Variants in CELSR2 observed in about 807,000 individuals in gnomAD.
The protein encoded by CELSR2 is EGF-like protein 2.
A neutral mutation model predicts 251.6 loss-of-function variants in CELSR2; 81 were observed. That is an observed-to-expected ratio of 0.32 (90% CI 0.27 to 0.39). The LOEUF (loss-of-function observed/expected upper bound fraction) is 0.39, where lower values mean the gene tolerates loss of function less well. CELSR2 is among the 10% of genes least tolerant of loss of function. The pLI is 1.00. For synonymous variants in CELSR2, 1,721 were observed against 1,670.5 expected, an observed-to-expected ratio of 1.03 and a Z score of -0.74; for missense variants, 3,365 against 3,947.7, an observed-to-expected ratio of 0.85 and a Z score of 3.96.
In CELSR2 at chr1:109,272,383, A is replaced by C; in HGVS notation, c.8032A>C (p.Ser2678Arg). 1.2e-6 allele frequency: 2 copies of C among 1,610,646 alleles called. No homozygotes were observed. The highest frequency in any genetic ancestry group is 1.7e-6 in the Non-Finnish European group (2 of 1,177,558). ...STSRSGKSQP[S>R]YIPFLLREES... ...CAGTCGCTCGGGCAAGAGTCAGCCC[A>C]GCTACATCCCCTTCTTGCTGAGGTG... The change falls in exon 29 of 34, where the codon AGC becomes CGC. Residue 2678 changes from serine (S) to arginine (R), a missense_variant. Physicochemically the swap from Ser to Arg is moderately radical, Grantham distance 110. Transcript: ENST00000271332.
chr1:109,274,200 G>T lies in CELSR2; in HGVS notation c.*151G>T. On this transcript the variant is annotated 3_prime_UTR_variant, in exon 34 of 34. Coordinates refer to ENST00000271332, the MANE Select transcript of CELSR2 (RefSeq NM_001408.3). ...CCATCTGAGGAGCCTGGGCCTTGCC[G>T]GGAGGGGTACTCACCCCACCTAAGG... The T allele has an allele frequency of 6.4e-7, 1 of 1,560,728 alleles. No homozygotes were observed. The highest frequency in any genetic ancestry group is 2.3e-5 in the East Asian group (1 of 44,096).
At chr1:109,272,585 G>A in intron 29 of CELSR2, 55 bp from the exon 30 acceptor site, 4 of 1,551,764 alleles carry the variant, frequency 2.6e-6, no homozygotes, top group South Asian at 1.1e-5. Flanking sequence ...AGGAGAGACT[G>A]GGACCCTGGG....
In CELSR2 at chr1:109,251,453, G is replaced by A. The variant is rs377605875; in HGVS notation, c.1374G>A (p.Val458=). 6 of 1,613,734 alleles carry A rather than the reference G, an allele frequency of 3.7e-6. No homozygotes were observed. The African/African-American group carries it at 8.0e-5, about 22-fold the overall frequency. ...ATGCCCAGACTGGAGCTCTGGATGT[G>A]GTGAGCCCTCTTGACTATGAGACGA... is the stretch of plus-strand genomic sequence containing the variant. ...YLDAQTGALD[V]VSPLDYETTK... Residue 458 remains valine (V), a synonymous_variant, in exon 1 of 34, where the codon GTG becomes GTA. Coordinates refer to ENST00000271332, the MANE Select transcript of CELSR2 (RefSeq NM_001408.3). The surrounding 1 kb of genome is among the most constrained non-coding windows in gnomAD (Gnocchi z 4.9).
In CELSR2 at chr1:109,269,680, C is replaced by A. The variant is rs750193613; in HGVS notation, c.6981-14C>A. 2 of 1,614,108 alleles carry A rather than the reference C, an allele frequency of 1.2e-6. No individual in the cohort carries two copies. The highest frequency in any genetic ancestry group is 3.3e-5 in the Admixed American group (2 of 60,028). Reference sequence around the variant, plus strand: ...CACCCTCCTTGTCTCCCTGACCCTGCCTTCCTCACACAGGGTCAGTGGCAC... The same window carrying A: ...CACCCTCCTTGTCTCCCTGACCCTGACTTCCTCACACAGGGTCAGTGGCAC... On this transcript the variant is annotated splice_polypyrimidine_tract_variant and intron_variant, in intron 21 of 33. Transcript: ENST00000271332. The surrounding 1 kb of genome is among the most constrained non-coding windows in gnomAD (Gnocchi z 6.4).
chr1:109,272,237 A>G, intron 28 of CELSR2, 41 bp from the exon 29 acceptor site: 2 of 1,527,088 alleles, frequency 1.3e-6, no homozygotes, highest in Non-Finnish European at 8.8e-7. Context: ...GGGGCCAGCC[A>G]TCCCACTCCC....
chr1:109,272,758 A>G (rs1454730128), intron 30 of CELSR2, 30 bp downstream of exon 30: 3 of 1,612,968 alleles, frequency 1.9e-6, no homozygotes. Flanking sequence ...GCCACCCAGC[A>G]GGGCAGTTGG....
intron 6 of CELSR2, 105 bp downstream of exon 6, chr1:109,262,549 CT>C: frequency 6.8e-7 from 1 of 1,473,240 alleles, no homozygotes; most frequent in Non-Finnish European, 9.1e-7. Context: ...CTTTGCCTCT[CT>C]TAGCCCCTGC....
intron 1 of CELSR2, among the ~76,000 whole-genome samples, chr1:109,255,524 G>C (rs1655821501): frequency 6.6e-6 from 1 of 152,202 alleles, no homozygotes; most frequent in African/African-American, 2.4e-5. Context: ...CCTGTCCATG[G>C]TCTGGGCAGC....
chr1:109,250,904 C>T lies in CELSR2; in HGVS notation c.825C>T (p.Leu275=). 6.2e-7 allele frequency: 1 copy of T among 1,613,962 alleles called. No individual in the cohort carries two copies. The highest frequency in any genetic ancestry group is 8.5e-7 in the Non-Finnish European group (1 of 1,180,036). The change falls in exon 1 of 34, where the codon CTC becomes CTT. Residue 275 remains leucine (L), a synonymous_variant. Transcript: ENST00000271332. The surrounding 1 kb of genome is among the most constrained non-coding windows in gnomAD (Gnocchi z 4.4). ...GMPRRSALAT[L]TILVTDTNDH... ...CCCGACGAAGTGCCCTGGCTACACT[C>T]ACCATCTTGGTTACTGACACCAATG...
At position 109,261,132 on chromosome 1, in the gene CELSR2, G is replaced by T. The variant is rs1245396452; in HGVS notation, c.4049G>T (p.Gly1350Val). 1 of 1,614,140 alleles carries T rather than the reference G, an allele frequency of 6.2e-7. No individual in the cohort carries two copies. Among genetic ancestry groups the T allele is most frequent in the Non-Finnish European group, 8.5e-7 (1 of 1,180,022 alleles). The part of the protein sequence containing the change: ...GGTCVNLLVG[G>V]FKCDCPSGDF... ...ACCTGTGTCAACCTGCTGGTGGGCG[G>T]TTTCAAGTGCGATTGCCCATCTGGA... is the stretch of plus-strand genomic sequence containing the variant. The change falls in exon 3 of 34, where the codon GGT (glycine) becomes GTT (valine). Residue 1350 changes from glycine (G) to valine (V), a missense_variant. By Grantham distance (109) the Gly-to-Val change is moderately radical. This residue lies in a region of CELSR2 where 2,093 missense variants were observed against 2,382.8 expected (regional missense o/e 0.88). Coordinates refer to ENST00000271332, the MANE Select transcript of CELSR2 (RefSeq NM_001408.3). The surrounding 1 kb of genome is among the most constrained non-coding windows in gnomAD (Gnocchi z 4.8).
At position 109,267,598 on chromosome 1, in the gene CELSR2, CTCT is replaced by C; in HGVS notation, c.6067_6069del (p.Phe2023del). Reference sequence around the variant, plus strand: ...GCACAGGGGGTGGCTCCCCCCAAACCTCTTCAACTGCACGTCCATCACCTTCTC... The same window carrying C: ...GCACAGGGGGTGGCTCCCCCCAAACCTCAACTGCACGTCCATCACCTTCTC... On this transcript the variant is annotated inframe_deletion, in exon 16 of 34. Transcript: ENST00000271332. The C allele has an allele frequency of 1.9e-6, 3 of 1,614,186 alleles. No homozygotes were observed. The highest frequency in any genetic ancestry group is 2.5e-6 in the Non-Finnish European group (3 of 1,180,026).
At position 109,261,196 on chromosome 1, in the gene CELSR2, C is replaced by G; in HGVS notation, c.4113C>G (p.Ser1371Arg). 2 of 1,614,134 alleles carry G rather than the reference C, an allele frequency of 1.2e-6. No homozygotes were observed. The highest frequency in any genetic ancestry group is 1.7e-4 in the Middle Eastern group (1 of 6,014). ...EKPYCQVTTRSFPAHSFITFR... is the reference protein window; with the variant it reads ...EKPYCQVTTRRFPAHSFITFR... ...CCTACTGCCAGGTGACCACGCGCAG[C>G]TTCCCCGCCCACTCCTTCATCACCT... Residue 1371 changes from serine (S) to arginine (R), a missense_variant, in exon 3 of 34, where the codon AGC becomes AGG. Ser to Arg is a moderately radical substitution (Grantham distance 110, BLOSUM62 -1). This residue lies in a region of CELSR2 where 2,093 missense variants were observed against 2,382.8 expected (regional missense o/e 0.88). Transcript: ENST00000271332. The surrounding 1 kb of genome is among the most constrained non-coding windows in gnomAD (Gnocchi z 4.8).
Position 109,274,276 on chromosome 1 carries a change from C to G in CELSR2, c.*227C>G, listed in dbSNP as rs74116311. On this transcript the variant is annotated 3_prime_UTR_variant, in exon 34 of 34. Transcript: ENST00000271332. ...CCATTCCCCTCACTGCACTTTGGAC[C>G]CCTGGGGCCAACATCTCCAAGACAA... is the stretch of plus-strand genomic sequence containing the variant. The G allele has an allele frequency of 3.8e-3, 4,158 of 1,088,724 alleles. 22 individuals are homozygous for G. The highest frequency in any genetic ancestry group is 0.018 in the African/African-American group (1,110 of 63,088). The allele number at this position is 1,088,724 out of a possible 1,614,324, so 67.4% of individuals were successfully genotyped here. A position where few individuals can be genotyped will look rare whatever the true frequency, so the allele number is the denominator to read the frequency against.
chr1:109,253,287 C>T lies in CELSR2; in HGVS notation c.3208C>T (p.Leu1070Phe), dbSNP rs1464652889. 6 of 1,613,474 alleles carry T rather than the reference C, an allele frequency of 3.7e-6. No individual in the cohort carries two copies. The highest frequency in any genetic ancestry group is 5.1e-6 in the Non-Finnish European group (6 of 1,180,046). ...TTACAGCTTTGAGCGGGGAAATGAACTCAGCCTGGTCCTGCTCAATGCCTC... is the reference window on the plus strand; with the variant it reads ...TTACAGCTTTGAGCGGGGAAATGAATTCAGCCTGGTCCTGCTCAATGCCTC... ...LTYSFERGNE[L>F]SLVLLNASTG... Residue 1070 changes from leucine to phenylalanine, a missense_variant, in exon 1 of 34, where the codon CTC becomes TTC. By Grantham distance (22) the Leu-to-Phe change is conservative. Around this residue, in one of 5 missense-constraint regions of CELSR2, gnomAD observed 505 missense variants for 660.0 expected, o/e 0.77. Transcript: ENST00000271332.
rs1656478239 is a variant in CELSR2, at chr1:109,274,654, AC to A, written c.*606del. 6.5e-6 allele frequency: 1 copy of A among 153,222 alleles called. No homozygotes were observed. Among genetic ancestry groups the A allele is most frequent in the Non-Finnish European group, 1.5e-5 (1 of 68,686 alleles). The allele number at this position is 153,222 out of a possible 1,614,324, so 9.5% of individuals were successfully genotyped here. ...CCTGCCCGCACTGCCTCTCCCAGGAACTGGAAAAGCCCTGTCCGGTGAGGGG... is the reference window on the plus strand; with the variant it reads ...CCTGCCCGCACTGCCTCTCCCAGGAATGGAAAAGCCCTGTCCGGTGAGGGG... On this transcript the variant is annotated 3_prime_UTR_variant, in exon 34 of 34. Transcript: ENST00000271332.
chr1:109,262,573 A>T (rs751666187), intron 6 of CELSR2, 129 bp downstream of exon 6: 3 of 1,395,970 alleles, frequency 2.1e-6, no homozygotes, highest in Non-Finnish European at 2.9e-6. Flanking sequence ...AGCCCTGGGG[A>T]TGGGGTCAAG....
chr1:109,258,689 C>G lies in CELSR2; in HGVS notation c.3568C>G (p.Pro1190Ala), dbSNP rs41279708. Residue 1190 changes from proline (P) to alanine (A), a missense_variant, in exon 2 of 34, where the codon CCG (proline) becomes GCG (alanine). Physicochemically the swap from Pro to Ala is conservative, Grantham distance 27. This residue lies in a region of CELSR2 where 2,093 missense variants were observed against 2,382.8 expected (regional missense o/e 0.88). Transcript: ENST00000271332. ...ILNVSLSVGQ[P>A]PGPGGGPPFL... ...CAACGTGAGCCTGTCGGTGGGCCAG[C>G]CGCCAGGGCCCGGGGGCGGGCCGCC... is the stretch of plus-strand genomic sequence containing the variant. 1.9e-5 allele frequency: 29 copies of G among 1,547,646 alleles called. No homozygotes were observed. The highest frequency in any genetic ancestry group is 2.5e-5 in the Non-Finnish European group (29 of 1,145,190).
rs571952947 is a variant in CELSR2, at chr1:109,268,514, G to A, written c.6319-67G>A. 5.2e-5 allele frequency: 79 copies of A among 1,522,200 alleles called. 1 individual carries two copies. The highest frequency in any genetic ancestry group is 2.5e-4 in the African/African-American group (18 of 72,984). The allele number at this position is 1,522,200 out of a possible 1,614,324, so 94.3% of individuals were successfully genotyped here. A position where few individuals can be genotyped will look rare whatever the true frequency, so the allele number is the denominator to read the frequency against. ...GCAGGGACTGGCCCGGGCACAGGCC[G>A]GGGCTCCATGGTGGGGATGTCAGGT... On this transcript the variant is annotated intron_variant, in intron 17 of 33. Coordinates refer to ENST00000271332, the MANE Select transcript of CELSR2 (RefSeq NM_001408.3).
chr1:109,263,404 A>G, intron 8 of CELSR2, 137 bp downstream of exon 8: 1 of 1,413,112 alleles, frequency 7.1e-7, no homozygotes, highest in East Asian at 2.5e-5. Flanking sequence ...CAGAGCCCTG[A>G]AAGGGCAACA....
Sources: allele counts gnomAD v4.1 joint callset (sites outside exome capture counted in the v4.1 genomes callset), GRCh38; gene constraint gnomAD v4.1.1; regional missense constraint gnomAD v4.1.1; non-coding constraint Gnocchi (gnomAD v3.1); transcripts MANE v1.5; gene names NCBI Gene and HGNC (gene_info 2026-07-23, HGNC 2026-07-21).